Variants in IGFBP7 observed in about 807,000 individuals in gnomAD.
IGFBP7 encodes insulin-like growth factor-binding protein 7.
IGFBP7 carries 31 observed loss-of-function variants against 29.4 expected under a neutral mutation model. That is an observed-to-expected ratio of 1.05 (90% CI 0.79 to 1.42). The LOEUF (loss-of-function observed/expected upper bound fraction) is 1.42, where lower values mean the gene tolerates loss of function less well. IGFBP7 is among the 40% of genes most tolerant of loss of function. The pLI is 0.00. For synonymous variants in IGFBP7, 172 were observed against 174.9 expected (o/e 0.98, Z 0.13); for missense variants, 393 against 395.5 (o/e 0.99, Z 0.05).
intron 1 of IGFBP7, among the ~76,000 whole-genome samples, chr4:57,086,281 C>T (rs1725495594): frequency 6.6e-6 from 1 of 152,188 alleles, no homozygotes; most frequent in South Asian, 2.1e-4. Context: ...TCTCCCATGA[C>T]ACTTGGAGAT....
chr4:57,044,806 T>A (rs1724318482), intron 1 of IGFBP7, among the ~76,000 whole-genome samples: 1 of 152,220 alleles, frequency 6.6e-6, no homozygotes, highest in African/African-American at 2.4e-5. Flanking sequence ...AGATCTAATA[T>A]ATCTGTTCCC....
At chr4:57,038,843 T>G (rs994584622) in intron 2 of IGFBP7, among the ~76,000 whole-genome samples, 12 of 151,970 alleles carry the variant, frequency 7.9e-5, no homozygotes, top group African/African-American at 2.7e-4. Context: ...AAGGTGGGCG[T>G]ATCACCTGAG....
rs1219668615 is a variant in IGFBP7 at position 57,110,379 on chromosome 4, C to A, written c.-28G>T. On this transcript the variant is annotated 5_prime_UTR_variant, in exon 1 of 5. Transcript: ENST00000295666. ...CGGGGTGCGGTGGCAGCGGCAAGGG[C>A]GCGAGTGAGCCGTGTCGGGCCGGCC... 2 of 1,304,400 alleles carry A rather than the reference C, an allele frequency of 1.5e-6. No homozygotes were observed. Among genetic ancestry groups the A allele is most frequent in the Admixed American group, 7.5e-5 (2 of 26,778 alleles). The allele number at this position is 1,304,400 out of a possible 1,614,324, so 80.8% of individuals were successfully genotyped here. A position where few individuals can be genotyped will look rare whatever the true frequency, so the allele number is the denominator to read the frequency against.
Position 57,051,933 on chromosome 4 carries a change from G to T in IGFBP7, c.476-11000C>A, listed in dbSNP as rs1459632617. Among the ~76,000 whole-genome samples, 5 of 152,166 alleles carry T rather than the reference G, an allele frequency of 3.3e-5. No homozygotes were observed. The East Asian group carries it at 9.6e-4, about 29-fold the overall frequency. ...AAGACAGGGACCTGCCTGAGGAGAG[G>T]CAGGAAAACGCTGGCCTGCCTTGAA... On this transcript the variant is annotated intron_variant, in intron 1 of 4. Transcript: ENST00000295666.
chr4:57,106,625 A>G (rs1274492506), intron 1 of IGFBP7, among the ~76,000 whole-genome samples: 1 of 152,190 alleles, frequency 6.6e-6, no homozygotes. Flanking sequence ...CTAATAAGGG[A>G]GACCCTTAAG....
intron 1 of IGFBP7, among the ~76,000 whole-genome samples, chr4:57,073,358 G>A (rs984159742): frequency 7.9e-5 from 12 of 151,944 alleles, no homozygotes; most frequent in Non-Finnish European, 1.8e-4. Context: ...ACTTTGGGAG[G>A]CTGAGAGGGG....
intron 1 of IGFBP7, among the ~76,000 whole-genome samples, chr4:57,043,929 T>C (rs1724292093): frequency 6.6e-6 from 1 of 152,238 alleles, no homozygotes. Flanking sequence ...GGCTGGGCTT[T>C]GAACTGCCTT....
intron 1 of IGFBP7, among the ~76,000 whole-genome samples, chr4:57,103,454 C>T (rs1725945941): frequency 6.6e-6 from 1 of 152,080 alleles, no homozygotes; most frequent in Admixed American, 6.5e-5. Flanking sequence ...CTCTGGTTAT[C>T]TCCTTTCTCT....
At chr4:57,041,873 C>T (rs983401559) in intron 1 of IGFBP7, among the ~76,000 whole-genome samples, 1 of 152,108 alleles carries the variant, frequency 6.6e-6, no homozygotes, top group South Asian at 2.1e-4. Context: ...GCCCGGGTGT[C>T]GAGGAAGGTG....
At chr4:57,039,473 G>T (rs1724166870) in intron 2 of IGFBP7, among the ~76,000 whole-genome samples, 1 of 152,000 alleles carries the variant, frequency 6.6e-6, no homozygotes, top group Admixed American at 6.6e-5. Flanking sequence ...GGGGATGGGG[G>T]AATGCTACTG....
At chr4:57,103,068 C>G (rs1384836455) in intron 1 of IGFBP7, among the ~76,000 whole-genome samples, 1 of 152,194 alleles carries the variant, frequency 6.6e-6, no homozygotes, top group Non-Finnish European at 1.5e-5. Context: ...AAGGGCTTTT[C>G]ACTCCCAAGT....
chr4:57,064,393 G>A (rs920928778), intron 1 of IGFBP7, among the ~76,000 whole-genome samples: 4 of 152,128 alleles, frequency 2.6e-5, no homozygotes, highest in African/African-American at 9.7e-5. Flanking sequence ...AGTCTGTGTT[G>A]ACAAGCAATA....
At chr4:57,109,632 C>T (rs1726122326) in intron 1 of IGFBP7, 2 of 561,570 alleles carry the variant, frequency 3.6e-6, no homozygotes, top group South Asian at 2.3e-5. Context: ...ACACCCGGCC[C>T]TCACTTTCTG....
intron 1 of IGFBP7, among the ~76,000 whole-genome samples, chr4:57,087,608 G>A (rs1111629): frequency 0.93 from 142,190 of 152,294 alleles, 66,424 homozygotes; most frequent in Middle Eastern, 0.98. Flanking sequence ...ACAGCTATAC[G>A]CAAGGTTATA....
chr4:57,082,009 G>A (rs1725382624), intron 1 of IGFBP7, among the ~76,000 whole-genome samples: 1 of 152,206 alleles, frequency 6.6e-6, no homozygotes, highest in East Asian at 1.9e-4. Context: ...GAACCGACTC[G>A]GGGATGCTGG....
intron 1 of IGFBP7, among the ~76,000 whole-genome samples, chr4:57,067,142 A>C (rs17087463): frequency 0.027 from 4,155 of 152,272 alleles, 185 homozygotes; most frequent in African/African-American, 0.095. Flanking sequence ...GATGTCTGCA[A>C]TGATGATATA....
chr4:57,098,561 T>C (rs1290436896), intron 1 of IGFBP7, among the ~76,000 whole-genome samples: 1 of 152,206 alleles, frequency 6.6e-6, no homozygotes, highest in Non-Finnish European at 1.5e-5. Context: ...TCTGAGGCTC[T>C]GATCTGAGAC....
intron 1 of IGFBP7, among the ~76,000 whole-genome samples, chr4:57,080,466 G>T (rs991064442): frequency 4.6e-5 from 7 of 152,284 alleles, no homozygotes; most frequent in African/African-American, 1.7e-4. Flanking sequence ...CCTAAAGTTG[G>T]TATCAGAACC....
At chr4:57,093,621 T>C (rs995195510) in intron 1 of IGFBP7, among the ~76,000 whole-genome samples, 2 of 147,406 alleles carry the variant, frequency 1.4e-5, no homozygotes, top group Non-Finnish European at 3.0e-5. Flanking sequence ...ACCTATTAAA[T>C]TTTTTTTTTA....
Sources: gnomAD v4.1 joint callset for allele counts (sites outside exome capture counted in the v4.1 genomes callset) on GRCh38, gnomAD v4.1.1 for gene constraint, MANE v1.5 for transcripts, NCBI Gene and HGNC (gene_info 2026-07-23, HGNC 2026-07-21) for gene names.